The following VEPH1 variants were observed in gnomAD, a reference collection of about 807,000 sequenced individuals.
The protein encoded by VEPH1 is ventricular zone expressed PH domain containing 1, also known as ventricular zone-expressed PH domain-containing protein homolog 1.
A neutral mutation model predicts 85.2 loss-of-function variants in VEPH1; 80 were observed. The ratio of observed to expected loss-of-function variants is 0.94; its 90% CI spans 0.78 to 1.13. The LOEUF (loss-of-function observed/expected upper bound fraction) is 1.13. VEPH1 is among the 50% of genes most tolerant of loss of function. The pLI is 0.00. For synonymous variants in VEPH1, 297 were observed against 348.0 expected, an observed-to-expected ratio of 0.85 and a Z score of 1.63; for missense variants, 955 against 980.5, an observed-to-expected ratio of 0.97 and a Z score of 0.35.
intron 3 of VEPH1, among the ~76,000 whole-genome samples, chr3:157,467,269 G>A (rs1286621325): frequency 6.6e-6 from 1 of 151,946 alleles, no homozygotes; most frequent in Admixed American, 6.6e-5. Context: ...TAAGACCCTG[G>A]GTTGCTTATC....
chr3:157,377,736 G>A (rs67677320), intron 7 of VEPH1, among the ~76,000 whole-genome samples: 1 of 152,020 alleles, frequency 6.6e-6, no homozygotes, highest in Non-Finnish European at 1.5e-5. Context: ...ATGATTGTAA[G>A]TTTCCTGACG....
chr3:157,341,374 G>A (rs376045688), intron 9 of VEPH1, among the ~76,000 whole-genome samples: 6 of 152,282 alleles, frequency 3.9e-5, no homozygotes, highest in East Asian at 1.9e-4. Context: ...ACTATATGAC[G>A]AATGCACAAG....
intron 7 of VEPH1, among the ~76,000 whole-genome samples, chr3:157,373,362 TCAGACAC>T (rs966328881): frequency 1.3e-5 from 2 of 152,212 alleles, no homozygotes; most frequent in African/African-American, 4.8e-5. Flanking sequence ...CCTGTGGGAA[TCAGACAC>T]CAGAATAGAG....
At chr3:157,394,175 T>G (rs1730152342) in intron 6 of VEPH1, among the ~76,000 whole-genome samples, 1 of 152,236 alleles carries the variant, frequency 6.6e-6, no homozygotes, top group African/African-American at 2.4e-5. Flanking sequence ...AAGTGTCGAC[T>G]GTTCAAAATG....
chr3:157,381,753 T>C lies in VEPH1; in HGVS notation c.907-377A>G, dbSNP rs531973587. 1.4e-3 allele frequency: 274 copies of C among 195,990 alleles called. 1 individual carries two copies. Among genetic ancestry groups the C allele is most frequent in the Non-Finnish European group, 2.0e-3 (192 of 94,224 alleles). 12.1% of individuals were successfully genotyped at this position (195,990 alleles called of 1,614,324 possible). On this transcript the variant is annotated intron_variant, in intron 6 of 13. Coordinates refer to ENST00000362010, the MANE Select transcript of VEPH1 (RefSeq NM_001167912.2). ...AAATTAATAAATAGAAAAGAAAAAATCAGAGTCCCATGAGCAGCAGATGAT... is the reference window on the plus strand; with the variant it reads ...AAATTAATAAATAGAAAAGAAAAAACCAGAGTCCCATGAGCAGCAGATGAT...
chr3:157,416,010 G>A (rs1731884159), intron 5 of VEPH1, among the ~76,000 whole-genome samples: 1 of 152,096 alleles, frequency 6.6e-6, no homozygotes, highest in African/African-American at 2.4e-5. Context: ...TCTTACTGCT[G>A]CTCTAGATGC....
At chr3:157,383,632 G>T (rs757182942) in intron 6 of VEPH1, among the ~76,000 whole-genome samples, 2 of 152,158 alleles carry the variant, frequency 1.3e-5, no homozygotes, top group African/African-American at 4.8e-5. Context: ...GGGTACTTCT[G>T]CCATCAATCC....
At chr3:157,333,717 C>T (rs971083335) in intron 9 of VEPH1, among the ~76,000 whole-genome samples, 16 of 152,156 alleles carry the variant, frequency 1.1e-4, no homozygotes, top group African/African-American at 3.6e-4. Context: ...GCCGTGATCC[C>T]CTGCAGGTAC....
At chr3:157,277,110 C>T (rs1483976085) in intron 12 of VEPH1, among the ~76,000 whole-genome samples, 1 of 152,174 alleles carries the variant, frequency 6.6e-6, no homozygotes, top group African/African-American at 2.4e-5. Context: ...AAGCTGATCT[C>T]CAACTCCTGG....
intron 4 of VEPH1, chr3:157,438,037 G>A (rs6803755): frequency 0.097 from 49,228 of 508,622 alleles, 2,209 homozygotes; most frequent in African/African-American, 0.32. Flanking sequence ...GCGCGCGCGC[G>A]CACACACACA....
chr3:157,473,886 A>C (rs1737207990), intron 2 of VEPH1, among the ~76,000 whole-genome samples: 1 of 152,180 alleles, frequency 6.6e-6, no homozygotes, highest in Non-Finnish European at 1.5e-5. Flanking sequence ...AGGTACATCA[A>C]ATATTTTTGT....
intron 6 of VEPH1, among the ~76,000 whole-genome samples, chr3:157,390,503 T>A (rs2108914433): frequency 6.6e-6 from 1 of 152,366 alleles, no homozygotes; most frequent in East Asian, 1.9e-4. Flanking sequence ...GACCATTTTT[T>A]AAAAAACACC....
intron 6 of VEPH1, among the ~76,000 whole-genome samples, chr3:157,413,202 T>C (rs1184943242): frequency 1.3e-5 from 2 of 152,180 alleles, no homozygotes; most frequent in African/African-American, 4.8e-5. Flanking sequence ...GAGACATGCA[T>C]GTCTTTGAAA....
rs146381384 is a variant in VEPH1, at chr3:157,300,399, G to A, written c.2010+13222C>T. On this transcript the variant is annotated intron_variant, in intron 11 of 13. Coordinates refer to ENST00000362010, the MANE Select transcript of VEPH1 (RefSeq NM_001167912.2). ...TGGCTAACTGTGAAGGAATGTTCAC[G>A]ACAGTAGTAAAATTGACATGCTTCA... Among the ~76,000 whole-genome samples, 6 of 152,228 alleles carry A rather than the reference G, an allele frequency of 3.9e-5. No individual in the cohort carries two copies. In the East Asian group the frequency reaches 5.8e-4, roughly 15 times the overall value.
intron 2 of VEPH1, among the ~76,000 whole-genome samples, chr3:157,481,467 A>ACACACACACACAC (rs60293047): frequency 2.8e-3 from 147 of 53,436 alleles, no homozygotes; most frequent in Non-Finnish European, 4.0e-3. Context: ...CACACACACA[A>ACACACACACACAC]AAAAAAAAAA....
In VEPH1 at chr3:157,447,755, T is replaced by A. The variant is rs968602520; in HGVS notation, c.529+12426A>T. Among the ~76,000 whole-genome samples the A allele has an allele frequency of 5.3e-5, 8 of 152,080 alleles. No homozygotes were observed. The East Asian group carries it at 1.5e-3, about 29-fold the overall frequency. On this transcript the variant is annotated intron_variant, in intron 4 of 13. Transcript: ENST00000362010. ...GACTACAGGTGTGTGCCACCACGCC[T>A]GGCTAATTTTTGTATTTTTAGTAGA...
chr3:157,381,533 C>A (rs1379319611), intron 6 of VEPH1, 157 bp from the exon 7 acceptor site: 1 of 657,372 alleles, frequency 1.5e-6, no homozygotes, highest in Non-Finnish European at 2.6e-6. Flanking sequence ...GCCTGGGCAA[C>A]ATGGTAACAC....
intron 5 of VEPH1, among the ~76,000 whole-genome samples, chr3:157,426,573 G>A (rs1054466584): frequency 2.0e-5 from 3 of 151,968 alleles, no homozygotes; most frequent in African/African-American, 4.8e-5. Flanking sequence ...ACTGATAATC[G>A]TAAACATCCT....
chr3:157,430,464 C>T (rs1241102227), intron 4 of VEPH1, among the ~76,000 whole-genome samples: 2 of 152,208 alleles, frequency 1.3e-5, no homozygotes, highest in Non-Finnish European at 2.9e-5. Context: ...TATTCATATA[C>T]TCTCTGTGAT....
Sources: gnomAD v4.1 joint callset for allele counts (sites outside exome capture counted in the v4.1 genomes callset) on GRCh38, gnomAD v4.1.1 for gene constraint, MANE v1.5 for transcripts, NCBI Gene and HGNC (gene_info 2026-07-23, HGNC 2026-07-21) for gene names.